GALNTL6: variants seen among roughly 807,000 people sequenced by gnomAD.
GALNTL6 encodes the protein polypeptide N-acetylgalactosaminyltransferase like 6, also known as polypeptide N-acetylgalactosaminyltransferase-like 6.
A neutral mutation model predicts 73.7 loss-of-function variants in GALNTL6; 46 were observed. The observed-to-expected ratio is 0.62, with a 90% CI of 0.49 to 0.80. GALNTL6 has a LOEUF of 0.80. Among genes scored for constraint, GALNTL6 ranks in the 30% least tolerant of loss-of-function variants. The pLI is 0.00. For synonymous variants in GALNTL6, 259 were observed against 263.7 expected (o/e 0.98, Z 0.17); for missense variants, 604 against 755.0 (o/e 0.80, Z 2.34).
At chr4:171,958,885 A>G (rs1054010258) in intron 2 of GALNTL6, among the ~76,000 whole-genome samples, 1 of 152,168 alleles carries the variant, frequency 6.6e-6, no homozygotes, top group East Asian at 1.9e-4. Flanking sequence ...ATTTTAATAA[A>G]TGTACACCAT....
At chr4:172,635,054 CAA>C (rs1316918568) in intron 5 of GALNTL6, among the ~76,000 whole-genome samples, 2 of 152,156 alleles carry the variant, frequency 1.3e-5, no homozygotes, top group Non-Finnish European at 2.9e-5. Flanking sequence ...GCAAACTACT[CAA>C]AGTCATAATT....
chr4:171,989,226 G>A (rs187928151), intron 2 of GALNTL6, among the ~76,000 whole-genome samples: 1 of 152,248 alleles, frequency 6.6e-6, no homozygotes, highest in Admixed American at 6.5e-5. Context: ...TCCACTGTGA[G>A]AGTTACTCAA....
intron 5 of GALNTL6, among the ~76,000 whole-genome samples, chr4:172,471,786 G>A (rs780134864): frequency 8.5e-5 from 13 of 152,228 alleles, no homozygotes; most frequent in East Asian, 3.9e-4. Flanking sequence ...TTTGCACAGC[G>A]CTTAGAAAGT....
chr4:172,740,168 C>T (rs1277054242), intron 5 of GALNTL6, among the ~76,000 whole-genome samples: 1 of 152,068 alleles, frequency 6.6e-6, no homozygotes, highest in Non-Finnish European at 1.5e-5. Context: ...ATACTCTTCT[C>T]CCCACGTGAT....
intron 2 of GALNTL6, among the ~76,000 whole-genome samples, chr4:171,887,213 C>T (rs1039043116): frequency 7.9e-5 from 12 of 152,112 alleles, no homozygotes; most frequent in African/African-American, 2.9e-4. Context: ...ACTCTCATGA[C>T]CTCAGCACCA....
intron 5 of GALNTL6, among the ~76,000 whole-genome samples, chr4:172,612,682 T>A (rs984232790): frequency 4.6e-5 from 7 of 152,100 alleles, no homozygotes; most frequent in Non-Finnish European, 1.0e-4. Context: ...AGACATGTAA[T>A]GTAAAAATTC....
chr4:172,934,601 C>G (rs1748513184), intron 9 of GALNTL6, among the ~76,000 whole-genome samples: 2 of 152,050 alleles, frequency 1.3e-5, no homozygotes, highest in Admixed American at 1.3e-4. Context: ...TAAGCCTAGA[C>G]AGTTTTACTG....
chr4:172,771,516 T>C (rs554974978), intron 5 of GALNTL6, among the ~76,000 whole-genome samples: 1 of 152,360 alleles, frequency 6.6e-6, no homozygotes, highest in African/African-American at 2.4e-5. Flanking sequence ...GTCAGGTGTA[T>C]TTCACATTGT....
intron 2 of GALNTL6, among the ~76,000 whole-genome samples, chr4:171,828,232 C>T (rs551222846): frequency 6.6e-5 from 10 of 152,276 alleles, no homozygotes; most frequent in Admixed American, 5.9e-4. Flanking sequence ...GTTCAAGTAT[C>T]ACGAGCATCT....
In GALNTL6 at chr4:172,229,829, AG is replaced by A. The variant is rs140002343; in HGVS notation, c.247+67del. On this transcript the variant is annotated intron_variant, in intron 3 of 12. Transcript: ENST00000506823. ...CAGCAGTGTCTCATTTGTCACGTAA[AG>A]GATCTCTAATTAGCATTTCTTCTGC... 1,847 of 947,718 alleles carry A rather than the reference AG, an allele frequency of 1.9e-3. 21 individuals are homozygous for A. The African/African-American group carries it at 0.027, about 14-fold the overall frequency. 58.7% of individuals were successfully genotyped at this position (947,718 alleles called of 1,614,324 possible). A position where few individuals can be genotyped will look rare whatever the true frequency, so the allele number is the denominator to read the frequency against.
chr4:172,260,677 G>T (rs1051779521), intron 3 of GALNTL6, among the ~76,000 whole-genome samples: 2 of 151,514 alleles, frequency 1.3e-5, no homozygotes, highest in African/African-American at 2.4e-5. Flanking sequence ...TCCTTGTCTT[G>T]TTCCAGTTCT....
chr4:172,699,838 T>G (rs1733922916), intron 5 of GALNTL6, among the ~76,000 whole-genome samples: 1 of 152,212 alleles, frequency 6.6e-6, no homozygotes, highest in Non-Finnish European at 1.5e-5. Context: ...TTTTTTGTTT[T>G]CTTTTTCTCA....
intron 5 of GALNTL6, among the ~76,000 whole-genome samples, chr4:172,468,236 CCTTA>C (rs2111457730): frequency 6.6e-6 from 1 of 152,230 alleles, no homozygotes; most frequent in African/African-American, 2.4e-5. Context: ...TTGAATTCCA[CCTTA>C]CTATGACAAT....
At chr4:172,857,443 A>C (rs1744176810) in intron 7 of GALNTL6, among the ~76,000 whole-genome samples, 1 of 152,136 alleles carries the variant, frequency 6.6e-6, no homozygotes, top group South Asian at 2.1e-4. Context: ...CGTTGGAAAG[A>C]TCCTGGAAAA....
intron 12 of GALNTL6, among the ~76,000 whole-genome samples, chr4:173,038,527 A>G (rs1158620283): frequency 6.6e-6 from 1 of 152,224 alleles, no homozygotes; most frequent in Non-Finnish European, 1.5e-5. Context: ...GAAAATGGCA[A>G]GGAGATCTCA....
chr4:172,240,805 A>G (rs536716342), intron 3 of GALNTL6, among the ~76,000 whole-genome samples: 2 of 152,130 alleles, frequency 1.3e-5, no homozygotes, highest in East Asian at 1.9e-4. Context: ...AATTTCCATA[A>G]CCTTCATTCC....
At chr4:172,206,358 C>T (rs759449007) in intron 2 of GALNTL6, among the ~76,000 whole-genome samples, 1 of 152,096 alleles carries the variant, frequency 6.6e-6, no homozygotes, top group African/African-American at 2.4e-5. Context: ...CAGGAAAAGA[C>T]AAGAACAGGT....
chr4:172,712,215 A>C (rs1469792577), intron 5 of GALNTL6, among the ~76,000 whole-genome samples: 2 of 152,208 alleles, frequency 1.3e-5, no homozygotes, highest in Non-Finnish European at 2.9e-5. Context: ...GTAAAATATA[A>C]GGAAATCATT....
Position 172,919,215 on chromosome 4 carries a change from A to G in GALNTL6, c.1042-11946A>G, listed in dbSNP as rs1903124. ...ACTTAGAAGAAAGGAAGAATTCGGG[A>G]GGAAGCTCGTGGAAACGGTGCAAAA... On this transcript the variant is annotated intron_variant, in intron 8 of 12. Coordinates refer to ENST00000506823, the MANE Select transcript of GALNTL6 (RefSeq NM_001034845.3). 4.1e-3 allele frequency among the ~76,000 whole-genome samples: 617 copies of G among 152,290 alleles called. 7 individuals carry two copies. Among genetic ancestry groups the G allele is most frequent in the African/African-American group, 0.014 (569 of 41,564 alleles).
Sources: gnomAD v4.1 joint callset for allele counts (sites outside exome capture counted in the v4.1 genomes callset) on GRCh38, gnomAD v4.1.1 for gene constraint, MANE v1.5 for transcripts, NCBI Gene and HGNC (gene_info 2026-07-23, HGNC 2026-07-21) for gene names.